Variants in ETNK2 observed in about 807,000 individuals in gnomAD.
The protein encoded by ETNK2 is ethanolamine kinase-like protein.
Under a neutral mutation model 46.2 loss-of-function variants are expected in ETNK2, and 33 were observed. The ratio of observed to expected loss-of-function variants is 0.71; its 90% CI spans 0.54 to 0.96. ETNK2 has a LOEUF of 0.96. Among genes scored for constraint, ETNK2 ranks in the 40% least tolerant of loss-of-function variants. ETNK2 has a pLI of 0.00. For missense variants in ETNK2, 445 were observed against 509.7 expected (o/e 0.87, Z 1.22); for synonymous variants, 194 against 209.0 (o/e 0.93, Z 0.62).
chr1:204,151,713 C>A lies in ETNK2; in HGVS notation c.140G>T (p.Arg47Met), dbSNP rs749741774. Reference protein sequence around the residue: ...ASCREPPGPPRAAAVAYFGIS... With the variant: ...ASCREPPGPPMAAAVAYFGIS... ...GCCGAAGTACGCGACGGCGGCGGCCCTCGGGGGGCCCGGCGGCTCCCGGCA... is the reference window on the plus strand; with the variant it reads ...GCCGAAGTACGCGACGGCGGCGGCCATCGGGGGGCCCGGCGGCTCCCGGCA... Residue 47 changes from arginine to methionine, a missense_variant, in exon 1 of 8, where the codon AGG (arginine) becomes ATG (methionine). Coordinates refer to ENST00000367202, the MANE Select transcript of ETNK2 (RefSeq NM_018208.4). This position sits in a 1 kb window ranked among gnomAD's most constrained non-coding sequence, Gnocchi z 8.0. 4 of 1,542,918 alleles carry A rather than the reference C, an allele frequency of 2.6e-6. No homozygotes were observed. The South Asian group carries it at 4.8e-5, about 18-fold the overall frequency.
intron 7 of ETNK2, among the ~76,000 whole-genome samples, chr1:204,132,532 C>T (rs565125283): frequency 7.6e-4 from 115 of 152,290 alleles, no homozygotes; most frequent in African/African-American, 2.6e-3. Flanking sequence ...CTCCCGGGCT[C>T]TGATGATCCT....
chr1:204,144,359 A>AAAAAAAAAAAAAAAAAAAC (rs1657694232), intron 3 of ETNK2, among the ~76,000 whole-genome samples: 1 of 149,168 alleles, frequency 6.7e-6, no homozygotes, highest in Admixed American at 6.7e-5. Context: ...AAAAAAAAAA[A>AAAAAAAAAAAAAAAAAAAC]AAAAAAAAAA....
chr1:204,147,551 C>A, intron 2 of ETNK2: 2 of 533,356 alleles, frequency 3.7e-6, no homozygotes, highest in Non-Finnish European at 7.7e-6. Flanking sequence ...GTCTTCCCTT[C>A]CGCTGTCCCA....
intron 5 of ETNK2, among the ~76,000 whole-genome samples, chr1:204,139,577 C>G (rs989880173): frequency 2.0e-5 from 3 of 152,212 alleles, no homozygotes; most frequent in African/African-American, 7.2e-5. Context: ...CCTCTACCCT[C>G]TAAGTATAGA....
At chr1:204,141,287 T>G (rs781466580) in intron 4 of ETNK2, 28 bp downstream of exon 4, 2 of 1,614,000 alleles carry the variant, frequency 1.2e-6, no homozygotes, top group East Asian at 4.5e-5. Flanking sequence ...AAAACCCTGC[T>G]GCTGCCCCAG....
intron 3 of ETNK2, among the ~76,000 whole-genome samples, chr1:204,145,453 C>T (rs1289268199): frequency 6.6e-6 from 1 of 152,228 alleles, no homozygotes; most frequent in South Asian, 2.1e-4. Context: ...CAGCTGTGGG[C>T]TGAAAGGTTG....
intron 5 of ETNK2, among the ~76,000 whole-genome samples, chr1:204,139,827 G>A (rs975990075): frequency 1.3e-5 from 2 of 152,198 alleles, no homozygotes; most frequent in African/African-American, 4.8e-5. Flanking sequence ...TGTACAGCAT[G>A]TTACTATACT....
At chr1:204,150,557 G>A (rs141781576) in intron 1 of ETNK2, 160 of 153,902 alleles carry the variant, frequency 1.0e-3, no homozygotes, top group Middle Eastern at 3.3e-3. Context: ...GCAGGGTGAT[G>A]AGGAGAAAGG....
At chr1:204,148,379 A>G (rs1657874677) in intron 2 of ETNK2, among the ~76,000 whole-genome samples, 2 of 152,038 alleles carry the variant, frequency 1.3e-5, no homozygotes, top group Admixed American at 1.3e-4. Context: ...AGTGGTGACG[A>G]CCTGACAATA....
chr1:204,139,304 C>T (rs1232879393), intron 5 of ETNK2, among the ~76,000 whole-genome samples: 1 of 152,176 alleles, frequency 6.6e-6, no homozygotes, highest in Non-Finnish European at 1.5e-5. Context: ...TATAAAGGAG[C>T]TTGGACAAAG....
At chr1:204,144,914 T>A (rs1657719571) in intron 3 of ETNK2, among the ~76,000 whole-genome samples, 1 of 152,192 alleles carries the variant, frequency 6.6e-6, no homozygotes, top group Admixed American at 6.5e-5. Context: ...CACCCTGCCT[T>A]ATTTTGCAGC....
rs35373627 is a variant in ETNK2 at position 204,136,403 on chromosome 1, G to GTATATATATATATATA, written c.1014+685_1014+700dup. ...AGAGCGGGACCCTGTCTCAAAAAAAGTATATATATATATATATATATATAT... is the reference window on the plus strand; with the variant it reads ...AGAGCGGGACCCTGTCTCAAAAAAAGTATATATATATATATATATATATATATATATATATATATAT... On this transcript the variant is annotated intron_variant, in intron 6 of 7. Transcript: ENST00000367202. Among the ~76,000 whole-genome samples the GTATATATATATATATA allele has an allele frequency of 1.1e-3, 155 of 139,800 alleles. 1 individual carries two copies. The highest frequency in any genetic ancestry group is 3.9e-3 in the African/African-American group (142 of 36,752). 91.7% of individuals were successfully genotyped at this position (139,800 alleles called of 152,430 possible). A position where few individuals can be genotyped will look rare whatever the true frequency, so the allele number is the denominator to read the frequency against.
At chr1:204,147,878 G>C (rs1285134444) in intron 2 of ETNK2, among the ~76,000 whole-genome samples, 3 of 152,234 alleles carry the variant, frequency 2.0e-5, no homozygotes, top group African/African-American at 7.2e-5. Context: ...TTCTTTCAGA[G>C]GCCAGAGGCC....
intron 3 of ETNK2, among the ~76,000 whole-genome samples, chr1:204,143,661 T>C (rs1657653188): frequency 6.6e-6 from 1 of 152,190 alleles, no homozygotes. Flanking sequence ...CAGGGAAGCC[T>C]TGGGGTTCCT....
intron 3 of ETNK2, 99 bp downstream of exon 3, chr1:204,146,543 C>T (rs1558237283): frequency 7.0e-7 from 1 of 1,431,464 alleles, no homozygotes; most frequent in East Asian, 2.3e-5. Flanking sequence ...CTCCCCGAGA[C>T]CTAAGCCCTT....
At chr1:204,133,166 G>T (rs998018611) in intron 7 of ETNK2, among the ~76,000 whole-genome samples, 1 of 151,966 alleles carries the variant, frequency 6.6e-6, no homozygotes, top group African/African-American at 2.4e-5. Flanking sequence ...AGACAGCTGG[G>T]TTGCTTCCAT....
intron 4 of ETNK2, chr1:204,141,100 A>T: frequency 1.5e-6 from 1 of 673,658 alleles, no homozygotes; most frequent in Non-Finnish European, 2.7e-6. Flanking sequence ...TGCTGGGATT[A>T]TAGGCATGAG....
intron 2 of ETNK2, among the ~76,000 whole-genome samples, chr1:204,147,775 C>T (rs577830485): frequency 1.3e-4 from 20 of 152,290 alleles, no homozygotes; most frequent in Non-Finnish European, 2.5e-4. Flanking sequence ...TTTTGGGGTT[C>T]CTCTGGAAGC....
At chr1:204,135,988 G>A (rs568251675) in intron 6 of ETNK2, among the ~76,000 whole-genome samples, 1 of 152,300 alleles carries the variant, frequency 6.6e-6, no homozygotes, top group South Asian at 2.1e-4. Flanking sequence ...AGCAGGAAGA[G>A]CCTGTTGGGA....
Sources: gnomAD v4.1 joint callset for allele counts (sites outside exome capture counted in the v4.1 genomes callset) on GRCh38, gnomAD v4.1.1 for gene constraint, Gnocchi (gnomAD v3.1) non-coding constraint, MANE v1.5 for transcripts, NCBI Gene and HGNC (gene_info 2026-07-23, HGNC 2026-07-21) for gene names.